The following LYPLA1 variants were observed in gnomAD, a reference collection of about 807,000 sequenced individuals.
The protein encoded by LYPLA1 is lysophospholipase 1.
LYPLA1 carries 17 observed loss-of-function variants against 34.0 expected under a neutral mutation model. That is an observed-to-expected ratio of 0.50 (90% confidence interval 0.34 to 0.75). The LOEUF (loss-of-function observed/expected upper bound fraction) is 0.75. Ranked by LOEUF, LYPLA1 falls within the 30% of genes least tolerant of loss-of-function variation. LYPLA1 has a pLI of 0.01. For synonymous variants in LYPLA1, 98 were observed against 100.8 expected, an observed-to-expected ratio of 0.97 and a Z score of 0.17; for missense variants, 203 against 288.8, an observed-to-expected ratio of 0.70 and a Z score of 2.15.
chr8:54,061,319 G>A (rs1806617617), intron 5 of LYPLA1, among the ~76,000 whole-genome samples: 1 of 152,134 alleles, frequency 6.6e-6, no homozygotes, highest in African/African-American at 2.4e-5. Flanking sequence ...GACCTCACAT[G>A]ATCTGCCCAC....
chr8:54,064,420 AAAAAAGAAAAAGAAT>A (rs1806893217), intron 3 of LYPLA1, among the ~76,000 whole-genome samples: 1 of 152,228 alleles, frequency 6.6e-6, no homozygotes, highest in Admixed American at 6.5e-5. Context: ...CCATCTCAAA[AAAAAAGAAAAAGAAT>A]AAAAAGAATT....
chr8:54,098,643 T>C (rs1219942303), intron 2 of LYPLA1, among the ~76,000 whole-genome samples: 1 of 152,218 alleles, frequency 6.6e-6, no homozygotes, highest in South Asian at 2.1e-4. Flanking sequence ...ATCGTGCCAC[T>C]GCACTCCAGC....
intron 4 of LYPLA1, 128 bp downstream of exon 4, chr8:54,063,200 T>C (rs1313048139): frequency 3.4e-6 from 2 of 593,902 alleles, no homozygotes; most frequent in Admixed American, 3.7e-5. Context: ...AAAATGTAAA[T>C]AGAGGTTAAC....
At chr8:54,058,622 C>T (rs144613837) in intron 5 of LYPLA1, among the ~76,000 whole-genome samples, 3 of 151,920 alleles carry the variant, frequency 2.0e-5, no homozygotes, top group Non-Finnish European at 4.4e-5. Flanking sequence ...CTCTGTCTCT[C>T]TCTCTCTCTC....
intron 2 of LYPLA1, among the ~76,000 whole-genome samples, chr8:54,095,683 G>C (rs550175080): frequency 6.6e-6 from 1 of 151,718 alleles, no homozygotes; most frequent in South Asian, 2.1e-4. Context: ...CTGTCAAAAA[G>C]GTATAAATCA....
At chr8:54,058,766 C>A (rs11994366) in intron 5 of LYPLA1, among the ~76,000 whole-genome samples, 19,784 of 150,496 alleles carry the variant, frequency 0.13, 3,481 homozygotes, top group African/African-American at 0.41. Flanking sequence ...TTTTTTGTAG[C>A]GACTCTTGCC....
chr8:54,100,845 G>A, intron 2 of LYPLA1, 63 bp downstream of exon 2: 1 of 1,309,928 alleles, frequency 7.6e-7, no homozygotes, highest in African/African-American at 1.5e-5. Flanking sequence ...ACCTTTGAAC[G>A]CGTAAACAAA....
chr8:54,075,345 A>G (rs1303208137), intron 2 of LYPLA1, among the ~76,000 whole-genome samples: 1 of 152,256 alleles, frequency 6.6e-6, no homozygotes, highest in Non-Finnish European at 1.5e-5. Context: ...GGCAAAAATC[A>G]ACAGCCGATT....
Position 54,082,968 on chromosome 8 carries a change from C to T in LYPLA1, c.102-17155G>A, listed in dbSNP as rs186061807. ...GTCTCGATCTCCTGACCTCGTGATC[C>T]GCCCGCCTCGGCTTCCCAAAGTGCT... is the stretch of plus-strand genomic sequence containing the variant. On this transcript the variant is annotated intron_variant, in intron 2 of 8. Transcript: ENST00000316963. Among the ~76,000 whole-genome samples, 25 of 152,260 alleles carry T rather than the reference C, an allele frequency of 1.6e-4. No homozygotes were observed. In the East Asian group the frequency reaches 1.7e-3, roughly 11 times the overall value.
chr8:54,086,161 T>C (rs1808749529), intron 2 of LYPLA1, among the ~76,000 whole-genome samples: 1 of 151,960 alleles, frequency 6.6e-6, no homozygotes, highest in Admixed American at 6.6e-5. Context: ...ATGTGCTGTG[T>C]CCACTAAGGG....
chr8:54,084,163 T>TATAA (rs1365317074), intron 2 of LYPLA1, among the ~76,000 whole-genome samples: 65 of 132,602 alleles, frequency 4.9e-4, no homozygotes, highest in African/African-American at 1.9e-3. Context: ...TATATATATA[T>TATAA]AAAATAAAGA....
chr8:54,051,453 G>A (rs769490830), intron 7 of LYPLA1, among the ~76,000 whole-genome samples: 14 of 151,818 alleles, frequency 9.2e-5, no homozygotes, highest in East Asian at 1.9e-4. Context: ...TTTTTGTTTC[G>A]TTTAGTTTTT....
chr8:54,095,749 C>CT (rs568630269), intron 2 of LYPLA1, among the ~76,000 whole-genome samples: 1,665 of 138,692 alleles, frequency 0.012, 19 homozygotes, highest in East Asian at 0.035. Flanking sequence ...CTGGCTTACA[C>CT]TTTTTTTTTT....
chr8:54,051,240 C>T, intron 7 of LYPLA1, 52 bp from the exon 8 acceptor site: 1 of 1,413,492 alleles, frequency 7.1e-7, no homozygotes, highest in Non-Finnish European at 9.5e-7. Flanking sequence ...GTATAGGACA[C>T]TATGCCAGGC....
chr8:54,074,724 T>C (rs1002541033), intron 2 of LYPLA1, among the ~76,000 whole-genome samples: 2 of 152,252 alleles, frequency 1.3e-5, no homozygotes, highest in Non-Finnish European at 2.9e-5. Context: ...CCTCATCTTT[T>C]ACAGGAGGAG....
chr8:54,086,177 T>C (rs1354510334), intron 2 of LYPLA1, among the ~76,000 whole-genome samples: 1 of 151,974 alleles, frequency 6.6e-6, no homozygotes, highest in African/African-American at 2.4e-5. Context: ...AAGGGTTAAA[T>C]GGATTAAGGG....
chr8:54,070,144 A>G (rs1389007361), intron 2 of LYPLA1, among the ~76,000 whole-genome samples: 1 of 152,218 alleles, frequency 6.6e-6, no homozygotes, highest in African/African-American at 2.4e-5. Context: ...GTCTATACCG[A>G]AGAATAGTGA....
At chr8:54,081,709 C>T (rs187248335) in intron 2 of LYPLA1, among the ~76,000 whole-genome samples, 2 of 150,884 alleles carry the variant, frequency 1.3e-5, no homozygotes, top group Non-Finnish European at 2.9e-5. Flanking sequence ...ACCACTGCGC[C>T]CAGCCTTTCT....
intron 2 of LYPLA1, among the ~76,000 whole-genome samples, chr8:54,095,524 CAT>C (rs1274694874): frequency 1.2e-4 from 18 of 152,094 alleles, no homozygotes; most frequent in East Asian, 3.9e-4. Flanking sequence ...TTAAATATTT[CAT>C]ATGTTATATT....
Sources: gnomAD v4.1 joint callset for allele counts (sites outside exome capture counted in the v4.1 genomes callset) on GRCh38, gnomAD v4.1.1 for gene constraint, MANE v1.5 for transcripts, NCBI Gene and HGNC (gene_info 2026-07-23, HGNC 2026-07-21) for gene names.